The following ADGRF1 variants were observed in gnomAD, a reference collection of about 807,000 sequenced individuals.
ADGRF1 encodes G protein-coupled receptor 110.
A neutral mutation model predicts 87.2 loss-of-function variants in ADGRF1; 85 were observed. The observed-to-expected ratio is 0.97, with a 90% CI of 0.82 to 1.17. The LOEUF (loss-of-function observed/expected upper bound fraction) is 1.17. Ranked by LOEUF, ADGRF1 falls within the 50% of genes most tolerant of loss-of-function variation. The pLI, the probability that ADGRF1 is intolerant of heterozygous loss-of-function variation, is 0.00. For synonymous variants in ADGRF1, 430 were observed against 408.8 expected (o/e 1.05, Z -0.63); for missense variants, 1,169 against 1,077.2 (o/e 1.09, Z -1.19).
intron 1 of ADGRF1, among the ~76,000 whole-genome samples, chr6:47,033,637 G>A (rs1017754431): frequency 3.3e-5 from 5 of 152,268 alleles, no homozygotes; most frequent in African/African-American, 1.2e-4. Context: ...AAAAGAGCAG[G>A]TCTCCACATA....
intron 9 of ADGRF1, chr6:47,013,493 C>T (rs1347457583): frequency 1.0e-6 from 1 of 985,358 alleles, no homozygotes; most frequent in Non-Finnish European, 1.2e-6. Context: ...AGAAGTTCTG[C>T]TCAATATGGA....
chr6:47,012,165 C>T lies in ADGRF1; in HGVS notation c.958G>A (p.Glu320Lys). Residue 320 changes from glutamate to lysine, a missense_variant, in exon 10 of 15, where the codon GAG becomes AAG. Physicochemically the swap from Glu to Lys is moderately conservative, Grantham distance 56. Transcript: ENST00000371253. Reference sequence around the variant, plus strand: ...TGCACGAAGGATGACACAGCTGCCTCAGTGGCATTGCCTACAATCATACTG... The same window carrying T: ...TGCACGAAGGATGACACAGCTGCCTTAGTGGCATTGCCTACAATCATACTG... Reference protein sequence around the residue: ...NFSMIVGNATEAAVSSFVQNL... With the variant: ...NFSMIVGNATKAAVSSFVQNL... 1 of 1,613,764 alleles carries T rather than the reference C, an allele frequency of 6.2e-7. No individual in the cohort carries two copies. Among genetic ancestry groups the T allele is most frequent in the African/African-American group, 1.3e-5 (1 of 75,060 alleles).
intron 3 of ADGRF1, 71 bp from the exon 4 acceptor site, chr6:47,026,074 A>C: frequency 7.4e-7 from 1 of 1,347,344 alleles, no homozygotes. Context: ...GAAGTGACTG[A>C]GAAACAATCA....
chr6:47,027,819 G>T, intron 2 of ADGRF1, 58 bp from the exon 3 acceptor site: 1 of 977,902 alleles, frequency 1.0e-6, no homozygotes. Flanking sequence ...GCTTCATAAG[G>T]CCTTGCTGAG....
intron 8 of ADGRF1, among the ~76,000 whole-genome samples, chr6:47,015,754 ATTT>A (rs66570376): frequency 4.2e-5 from 6 of 142,304 alleles, no homozygotes; most frequent in Non-Finnish European, 4.6e-5. Context: ...CGCCTGGCTA[ATTT>A]TTTTTTTTTT....
intron 1 of ADGRF1, among the ~76,000 whole-genome samples, chr6:47,040,291 T>A (rs1230005735): frequency 3.3e-5 from 5 of 151,838 alleles, no homozygotes; most frequent in Non-Finnish European, 4.4e-5. Context: ...GCCAACACAA[T>A]GAAACCCTGT....
chr6:47,016,597 G>A lies in ADGRF1; in HGVS notation c.763+20C>T, dbSNP rs749708944. ...AAAGGACTCTCTTAACCTAAGCAGAGGATGGGAATCCAGCATTACCTTTTC... is the reference window on the plus strand; with the variant it reads ...AAAGGACTCTCTTAACCTAAGCAGAAGATGGGAATCCAGCATTACCTTTTC... On this transcript the variant is annotated intron_variant, in intron 8 of 14. Transcript: ENST00000371253. The A allele has an allele frequency of 6.3e-7, 1 of 1,579,866 alleles. No individual in the cohort carries two copies. Among genetic ancestry groups the A allele is most frequent in the Admixed American group, 1.7e-5 (1 of 58,208 alleles).
intron 9 of ADGRF1, chr6:47,014,197 A>G (rs950715695): frequency 2.1e-6 from 2 of 958,402 alleles, no homozygotes; most frequent in Non-Finnish European, 2.5e-6. Flanking sequence ...AGGTTGGTAA[A>G]CCAGATGCCC....
chr6:47,010,050 C>G lies in ADGRF1; in HGVS notation c.1385G>C (p.Gly462Ala), dbSNP rs45461593. ...TTGGTCTGACCCAATTAACACACGGCCTCTGATGGGAATAGATGTATTTTG... is the reference window on the plus strand; with the variant it reads ...TTGGTCTGACCCAATTAACACACGGGCTCTGATGGGAATAGATGTATTTTG... ...CPQNTSIPIR[G>A]RVLIGSDQFQ... Residue 462 changes from glycine (G) to alanine (A), a missense_variant, in exon 11 of 15, where the codon GGC becomes GCC. Coordinates refer to ENST00000371253, the MANE Select transcript of ADGRF1 (RefSeq NM_153840.4). 5.3e-3 allele frequency: 8,620 copies of G among 1,614,066 alleles called. 40 individuals carry two copies. The highest frequency in any genetic ancestry group is 0.016 in the Middle Eastern group (94 of 6,062).
intron 7 of ADGRF1, chr6:47,018,964 G>C (rs1161910984): frequency 5.8e-6 from 1 of 172,472 alleles, no homozygotes. Flanking sequence ...TGTGATCCTA[G>C]CTACCAGGGA....
chr6:46,998,413 A>G lies in ADGRF1; in HGVS notation c.*1809T>C, dbSNP rs144548529. 1.3e-5 allele frequency: 2 copies of G among 152,286 alleles called. No homozygotes were observed. Among genetic ancestry groups the G allele is most frequent in the Non-Finnish European group, 2.9e-5 (2 of 68,038 alleles). The allele number at this position is 152,286 out of a possible 1,614,324, so 9.4% of individuals were successfully genotyped here. On this transcript the variant is annotated 3_prime_UTR_variant, in exon 15 of 15. Transcript: ENST00000371253. ...TCCCTCCACCTCTTTGGACAACCCT[A>G]TCAGAGAGGACCTAAAAGAGCCCCA...
chr6:47,029,145 C>A (rs1263261151), intron 1 of ADGRF1, 41 bp from the exon 2 acceptor site: 1 of 1,092,718 alleles, frequency 9.2e-7, no homozygotes, highest in Non-Finnish European at 1.4e-6. Context: ...GGCACAAAAA[C>A]AAGAAATTCA....
At chr6:47,031,185 G>A (rs779250656) in intron 1 of ADGRF1, among the ~76,000 whole-genome samples, 1 of 152,122 alleles carries the variant, frequency 6.6e-6, no homozygotes, top group South Asian at 2.1e-4. Flanking sequence ...AGAGTGATCC[G>A]TTCTGCCTCT....
chr6:47,009,516 C>T lies in ADGRF1; in HGVS notation c.1919G>A (p.Trp640Ter). Residue 640 changes from tryptophan (W) to a stop codon, truncating the protein, a stop_gained, in exon 11 of 15, where the codon TGG (tryptophan) becomes TAG (stop). Transcript: ENST00000371253. LOFTEE classifies it high-confidence loss of function. ...IALSLLIADV[W>*]FIVGATVDTT... Reference sequence around the variant, plus strand: ...GTCCACTGTGGCACCAACAATAAACCAGACATCAGCAATCAAGAGGGACAG... The same window carrying T: ...GTCCACTGTGGCACCAACAATAAACTAGACATCAGCAATCAAGAGGGACAG... 1 of 1,614,072 alleles carries T rather than the reference C, an allele frequency of 6.2e-7. No individual in the cohort carries two copies. The highest frequency in any genetic ancestry group is 8.5e-7 in the Non-Finnish European group (1 of 1,180,018).
intron 13 of ADGRF1, among the ~76,000 whole-genome samples, chr6:47,004,912 G>T (rs1249705576): frequency 2.0e-5 from 3 of 152,168 alleles, no homozygotes; most frequent in Non-Finnish European, 4.4e-5. Flanking sequence ...ATGGGCCAGT[G>T]CTCCGTAATT....
chr6:47,031,054 T>G (rs1780403013), intron 1 of ADGRF1, among the ~76,000 whole-genome samples: 2 of 152,206 alleles, frequency 1.3e-5, no homozygotes, highest in African/African-American at 4.8e-5. Flanking sequence ...TAAGCCACCA[T>G]GCCCGGCCAC....
At chr6:47,022,584 T>C (rs1780092906) in intron 5 of ADGRF1, among the ~76,000 whole-genome samples, 1 of 152,194 alleles carries the variant, frequency 6.6e-6, no homozygotes, top group African/African-American at 2.4e-5. Context: ...ATGCAGAGTC[T>C]TTCTCTCCTC....
intron 6 of ADGRF1, among the ~76,000 whole-genome samples, chr6:47,021,171 TA>T (rs1425140336): frequency 6.6e-6 from 1 of 152,168 alleles, no homozygotes; most frequent in Non-Finnish European, 1.5e-5. Flanking sequence ...ATCCATCTAT[TA>T]AGTATTTGCT....
rs778986887 is a variant in ADGRF1, at chr6:47,014,689, G to C, written c.919C>G (p.Leu307Val). 1 of 1,613,330 alleles carries C rather than the reference G, an allele frequency of 6.2e-7. No individual in the cohort carries two copies. Among genetic ancestry groups the C allele is most frequent in the South Asian group, 1.1e-5 (1 of 90,974 alleles). Residue 307 changes from leucine (L) to valine (V), a missense_variant, in exon 9 of 15, where the codon CTG becomes GTG. Coordinates refer to ENST00000371253, the MANE Select transcript of ADGRF1 (RefSeq NM_153840.4). Reference protein sequence around the residue: ...ETCVLSLLEELNKNFSMIVGN... With the variant: ...ETCVLSLLEEVNKNFSMIVGN... ...CAGTGAAAATGCCTCACCTTGTTCAGTTCTTCAAGCAGAGAGAGCACACAA... is the reference window on the plus strand; with the variant it reads ...CAGTGAAAATGCCTCACCTTGTTCACTTCTTCAAGCAGAGAGAGCACACAA...
Sources: gnomAD v4.1 joint callset for allele counts (sites outside exome capture counted in the v4.1 genomes callset) on GRCh38, gnomAD v4.1.1 for gene constraint, MANE v1.5 for transcripts, NCBI Gene and HGNC (gene_info 2026-07-23, HGNC 2026-07-21) for gene names.